DLC1: variants seen among roughly 807,000 people sequenced by gnomAD.
DLC1 encodes rho GTPase-activating protein 7.
DLC1 carries 54 observed loss-of-function variants against 140.3 expected under a neutral mutation model. That is an observed-to-expected ratio of 0.38 (90% confidence interval 0.31 to 0.48). DLC1 has a LOEUF of 0.48. Ranked by LOEUF, DLC1 falls within the 20% of genes least tolerant of loss-of-function variation. The probability of loss-of-function intolerance (pLI) is 0.96; values close to 1 mark genes in which losing one functional copy is unlikely to be tolerated. For synonymous variants in DLC1, 986 were observed against 728.1 expected, an observed-to-expected ratio of 1.35 and a Z score of -5.70; for missense variants, 2,536 against 1,907.0, an observed-to-expected ratio of 1.33 and a Z score of -6.14.
chr8:13,117,470 T>A (rs1025380243), intron 5 of DLC1, among the ~76,000 whole-genome samples: 1 of 151,976 alleles, frequency 6.6e-6, no homozygotes, highest in African/African-American at 2.4e-5. Flanking sequence ...AGAGTAAGAC[T>A]CTGTAACCGC....
Position 13,116,317 on chromosome 8 carries a change from T to C in DLC1, c.1349-660A>G, listed in dbSNP as rs373708459. Reference sequence around the variant, plus strand: ...TCCCTGTGGTTTCACATCTTGTAGATAGAATCGATAAACAGAAAGGCCAAG... The same window carrying C: ...TCCCTGTGGTTTCACATCTTGTAGACAGAATCGATAAACAGAAAGGCCAAG... On this transcript the variant is annotated intron_variant, in intron 5 of 17. Coordinates refer to ENST00000276297, the MANE Select transcript of DLC1 (RefSeq NM_182643.3). 2.0e-5 allele frequency: 16 copies of C among 812,240 alleles called. No homozygotes were observed. The Admixed American group carries it at 6.9e-4, about 35-fold the overall frequency. The allele number at this position is 812,240 out of a possible 1,614,324, so 50.3% of individuals were successfully genotyped here.
chr8:13,257,648 C>G (rs182021909), intron 5 of DLC1, among the ~76,000 whole-genome samples: 3 of 151,832 alleles, frequency 2.0e-5, no homozygotes, highest in African/African-American at 7.2e-5. Context: ...GTGGAATTTC[C>G]TGATTACATC....
intron 5 of DLC1, among the ~76,000 whole-genome samples, chr8:13,178,327 C>A (rs987321303): frequency 6.6e-6 from 1 of 152,130 alleles, no homozygotes. Flanking sequence ...TTTCGGGAGG[C>A]CATGACGGGC....
intron 5 of DLC1, among the ~76,000 whole-genome samples, chr8:13,186,722 G>A (rs1370765364): frequency 6.6e-6 from 1 of 152,194 alleles, no homozygotes; most frequent in Non-Finnish European, 1.5e-5. Flanking sequence ...CTTTGGAGGA[G>A]AAGAGGCACT....
intron 5 of DLC1, chr8:13,133,522 C>T (rs1416250773): frequency 8.1e-6 from 1 of 124,098 alleles, no homozygotes; most frequent in Non-Finnish European, 1.6e-5. Flanking sequence ...TCTCCTCTGT[C>T]CCGCCCCCTC....
intron 2 of DLC1, among the ~76,000 whole-genome samples, chr8:13,459,384 C>T (rs1799555917): frequency 6.6e-6 from 1 of 152,162 alleles, no homozygotes; most frequent in Non-Finnish European, 1.5e-5. Flanking sequence ...TGGCTTTCTT[C>T]CTGATTTTAT....
intron 5 of DLC1, among the ~76,000 whole-genome samples, chr8:13,210,198 A>G (rs1232665301): frequency 2.0e-5 from 3 of 152,200 alleles, no homozygotes; most frequent in African/African-American, 7.2e-5. Flanking sequence ...TTTTTTTAAA[A>G]TAGCTAACAA....
chr8:13,496,869 C>T (rs1027874218), intron 2 of DLC1, among the ~76,000 whole-genome samples: 1 of 142,388 alleles, frequency 7.0e-6, no homozygotes, highest in Admixed American at 7.6e-5. Context: ...GGTGCAATCT[C>T]GGCTCACTGC....
intron 5 of DLC1, among the ~76,000 whole-genome samples, chr8:13,256,482 C>A (rs1192081743): frequency 6.6e-6 from 1 of 152,124 alleles, no homozygotes; most frequent in Non-Finnish European, 1.5e-5. Context: ...AAATGTCCAT[C>A]AGTGATAGAC....
At chr8:13,521,619 C>T (rs1585238923) in intron 1 of DLC1, among the ~76,000 whole-genome samples, 2 of 152,158 alleles carry the variant, frequency 1.3e-5, no homozygotes, top group Admixed American at 1.3e-4. Flanking sequence ...TCTCTGCCTT[C>T]TGAGATTCAT....
chr8:13,437,868 C>T (rs762535657), intron 2 of DLC1, among the ~76,000 whole-genome samples: 2 of 152,072 alleles, frequency 1.3e-5, no homozygotes, highest in Non-Finnish European at 2.9e-5. Flanking sequence ...GATGCTGACA[C>T]AGCTTCTAAG....
intron 2 of DLC1, among the ~76,000 whole-genome samples, chr8:13,419,645 G>C (rs1264090490): frequency 1.3e-5 from 2 of 152,190 alleles, no homozygotes; most frequent in African/African-American, 2.4e-5. Context: ...TTGCATCAGT[G>C]TTCACCAAGG....
At chr8:13,292,365 C>T (rs7836264) in intron 5 of DLC1, among the ~76,000 whole-genome samples, 44,058 of 152,124 alleles carry the variant, frequency 0.29, 7,738 homozygotes, top group Middle Eastern at 0.43. Context: ...AGCTGTGGAA[C>T]GATGAGTACC....
chr8:13,460,961 C>T (rs1286150119), intron 2 of DLC1, among the ~76,000 whole-genome samples: 2 of 152,140 alleles, frequency 1.3e-5, no homozygotes, highest in African/African-American at 4.8e-5. Context: ...CCCTGTAATC[C>T]CAGCGTTTTG....
chr8:13,157,537 C>T (rs1824342228), intron 5 of DLC1, among the ~76,000 whole-genome samples: 1 of 152,182 alleles, frequency 6.6e-6, no homozygotes, highest in Non-Finnish European at 1.5e-5. Context: ...CACACACCTA[C>T]TTTTTATTGG....
intron 4 of DLC1, among the ~76,000 whole-genome samples, chr8:13,372,690 T>C (rs1729167): frequency 0.5 from 76,449 of 151,964 alleles, 19,779 homozygotes; most frequent in East Asian, 0.82. Context: ...ACGTCATTGA[T>C]AGTGGAAAGT....
At chr8:13,172,111 A>G (rs768011076) in intron 5 of DLC1, among the ~76,000 whole-genome samples, 6 of 152,214 alleles carry the variant, frequency 3.9e-5, no homozygotes, top group Non-Finnish European at 7.3e-5. Flanking sequence ...ATAACAAAAC[A>G]TTTTATAGAT....
intron 2 of DLC1, among the ~76,000 whole-genome samples, chr8:13,451,068 A>AAAAAAAAAAAAAG (rs1799028861): frequency 3.5e-5 from 5 of 143,874 alleles, no homozygotes; most frequent in African/African-American, 1.3e-4. Flanking sequence ...AAAAAAAAAA[A>AAAAAAAAAAAAAG]GAAAAAAAGA....
At chr8:13,569,947 A>T (rs1274861907) in intron 1 of DLC1, among the ~76,000 whole-genome samples, 1 of 152,150 alleles carries the variant, frequency 6.6e-6, no homozygotes, top group Non-Finnish European at 1.5e-5. Context: ...ACTGGTCTGG[A>T]ATTCCTGAGC....
Sources: gnomAD v4.1 joint callset for allele counts (sites outside exome capture counted in the v4.1 genomes callset) on GRCh38, gnomAD v4.1.1 for gene constraint, MANE v1.5 for transcripts, NCBI Gene and HGNC (gene_info 2026-07-23, HGNC 2026-07-21) for gene names.